The following LRP2 variants were observed in gnomAD, a reference collection of about 807,000 sequenced individuals.
LRP2 encodes low-density lipoprotein receptor-related protein 2.
Under a neutral mutation model 531.0 loss-of-function variants are expected in LRP2, and 172 were observed. That is an observed-to-expected ratio of 0.32 (90% CI 0.29 to 0.37). LRP2 has a LOEUF of 0.37. Among genes scored for constraint, LRP2 ranks in the 10% least tolerant of loss-of-function variants. The pLI, the probability that LRP2 is intolerant of heterozygous loss-of-function variation, is 1.00. For missense variants in LRP2, 5,167 were observed against 5,868.3 expected (o/e 0.88, Z 3.90); for synonymous variants, 1,992 against 2,027.6 (o/e 0.98, Z 0.47).
At chr2:169,327,929 A>G (rs1277768630) in intron 1 of LRP2, among the ~76,000 whole-genome samples, 2 of 73,816 alleles carry the variant, frequency 2.7e-5, no homozygotes, top group Admixed American at 1.3e-4. Context: ...TCCAGGAGGG[A>G]GGTGGGGGCG....
chr2:169,213,650 T>A lies in LRP2; in HGVS notation c.6040+7A>T. The A allele has an allele frequency of 6.2e-7, 1 of 1,608,578 alleles. No individual in the cohort carries two copies. The highest frequency in any genetic ancestry group is 8.5e-7 in the Non-Finnish European group (1 of 1,176,346). ...CCCATGAATGTATTTCAGTGACAAA[T>A]ACTTACTGCGTCTGTGATAAACTTG... On this transcript the variant is annotated splice_region_variant and intron_variant, in intron 36 of 78. Transcript: ENST00000649046.
intron 57 of LRP2, 102 bp from the exon 58 acceptor site, chr2:169,172,236 A>C: frequency 1.5e-4 from 203 of 1,352,804 alleles, no homozygotes; most frequent in Middle Eastern, 3.7e-4. Context: ...GTATTAGCTC[A>C]CTCTTGAAGC....
At chr2:169,242,294 T>C (rs934773442) in intron 24 of LRP2, among the ~76,000 whole-genome samples, 3 of 152,208 alleles carry the variant, frequency 2.0e-5, no homozygotes, top group South Asian at 2.1e-4. Context: ...TAACAAATCA[T>C]GTGAGTATAG....
At position 169,181,988 on chromosome 2, in the gene LRP2, T is replaced by A. The variant is rs558842677; in HGVS notation, c.9998+179A>T. 5.9e-5 allele frequency among the ~76,000 whole-genome samples: 9 copies of A among 152,274 alleles called. No individual in the cohort carries two copies. The South Asian group carries it at 1.9e-3, about 32-fold the overall frequency. Reference sequence around the variant, plus strand: ...GAAAAGAAAACAGAAGAGCTGATGATGATGATTTGAAGAAGCCATGCTTCT... The same window carrying A: ...GAAAAGAAAACAGAAGAGCTGATGAAGATGATTTGAAGAAGCCATGCTTCT... On this transcript the variant is annotated intron_variant, in intron 51 of 78. Coordinates refer to ENST00000649046, the MANE Select transcript of LRP2 (RefSeq NM_004525.3).
In LRP2 at chr2:169,277,787, C is replaced by T. The variant is rs754884501; in HGVS notation, c.1730G>A (p.Arg577Gln). ...ISKRVYWVDS[R>Q]FDYIETVTYD... ...AGTTACAGTTTCAATGTAATCAAAC[C>T]GAGAGTCAACCCAGTAAACACGCTT... The change falls in exon 13 of 79, where the codon CGG becomes CAG. Residue 577 changes from arginine to glutamine, a missense_variant. Arg to Gln is a conservative substitution (Grantham distance 43, BLOSUM62 1). Around this residue, in one of 6 missense-constraint regions of LRP2, gnomAD observed 2,811 missense variants for 3,058.0 expected, o/e 0.92. Transcript: ENST00000649046. The T allele has an allele frequency of 1.2e-5, 20 of 1,613,902 alleles. 1 individual carries two copies. The highest frequency in any genetic ancestry group is 3.3e-4 in the Middle Eastern group (2 of 6,082).
intron 34 of LRP2, among the ~76,000 whole-genome samples, chr2:169,219,989 A>T (rs1372135394): frequency 6.6e-6 from 1 of 151,826 alleles, no homozygotes. Flanking sequence ...TCTCCCCACA[A>T]TCCTGCTAAG....
intron 14 of LRP2, among the ~76,000 whole-genome samples, chr2:169,273,468 C>A (rs1439459244): frequency 6.6e-6 from 1 of 152,148 alleles, no homozygotes; most frequent in Non-Finnish European, 1.5e-5. Flanking sequence ...AGTAAACCAA[C>A]TTAACCAATA....
At chr2:169,139,732 T>G in intron 72 of LRP2, 122 bp from the exon 73 acceptor site, 2 of 851,012 alleles carry the variant, frequency 2.4e-6, no homozygotes, top group Non-Finnish European at 4.0e-6. Flanking sequence ...GAACAGACAA[T>G]GTATCCTGCA....
intron 3 of LRP2, among the ~76,000 whole-genome samples, chr2:169,308,087 C>T (rs1009058467): frequency 2.6e-5 from 4 of 152,050 alleles, no homozygotes; most frequent in Non-Finnish European, 5.9e-5. Flanking sequence ...TTATCTTATC[C>T]TGGGATTTTA....
rs35942532 is a variant in LRP2 at position 169,146,825 on chromosome 2, T to C, written c.12725A>G (p.Asp4242Gly). ...CTTGAAGTCACTCCAGTAGATTCGG[T>C]CATTGTTCAAATAATCGATAGAAAG... The part of the protein sequence containing the change: ...TGLSIDYLNN[D>G]RIYWSDFKED... Residue 4242 changes from aspartate (D) to glycine (G), a missense_variant, in exon 69 of 79, where the codon GAC (aspartate) becomes GGC (glycine). By Grantham distance (94) the Asp-to-Gly change is moderately conservative (BLOSUM62 -1). Transcript: ENST00000649046. 4,058 of 1,614,180 alleles carry C rather than the reference T, an allele frequency of 2.5e-3. 7 individuals carry two copies. Among genetic ancestry groups the C allele is most frequent in the Non-Finnish European group, 3.0e-3 (3,525 of 1,180,006 alleles).
chr2:169,178,045 A>G lies in LRP2; in HGVS notation c.10170-19T>C, dbSNP rs1266057501. 2.5e-6 allele frequency: 4 copies of G among 1,569,670 alleles called. No homozygotes were observed. The Admixed American group carries it at 5.1e-5, about 20-fold the overall frequency. ...AGAGTACCTGCAGCAGTAAGCAGAA[A>G]CAGTTATGTGATAAAGGTAATTCCT... On this transcript the variant is annotated intron_variant, in intron 52 of 78. Transcript: ENST00000649046.
chr2:169,219,528 T>G (rs190105399), intron 34 of LRP2, among the ~76,000 whole-genome samples: 2 of 152,244 alleles, frequency 1.3e-5, no homozygotes, highest in East Asian at 3.9e-4. Context: ...TCCTGACCAA[T>G]TTTTCTAAAA....
At chr2:169,169,561 G>C in intron 60 of LRP2, 141 bp downstream of exon 60, 1 of 756,544 alleles carries the variant, frequency 1.3e-6, no homozygotes, top group East Asian at 2.5e-5. Flanking sequence ...TTAGAACTCA[G>C]GTGAACTGAT....
At chr2:169,236,429 G>C (rs1343459223) in intron 28 of LRP2, among the ~76,000 whole-genome samples, 1 of 152,156 alleles carries the variant, frequency 6.6e-6, no homozygotes, top group African/African-American at 2.4e-5. Flanking sequence ...CATGTTTTTA[G>C]ATAAGGAAAT....
intron 16 of LRP2, among the ~76,000 whole-genome samples, chr2:169,263,866 A>G (rs941160802): frequency 1.3e-5 from 2 of 152,080 alleles, no homozygotes; most frequent in African/African-American, 4.8e-5. Context: ...ACAATGATAG[A>G]CTGGATTAAG....
chr2:169,328,014 G>T (rs1321697370), intron 1 of LRP2, among the ~76,000 whole-genome samples: 5 of 122,006 alleles, frequency 4.1e-5, no homozygotes, highest in Admixed American at 7.6e-5. Flanking sequence ...GGAGGGAGGT[G>T]GGGGGGGGTC....
intron 1 of LRP2, among the ~76,000 whole-genome samples, chr2:169,345,668 T>A (rs1000426048): frequency 7.3e-5 from 11 of 151,264 alleles, no homozygotes; most frequent in African/African-American, 2.7e-4. Context: ...TTAAAGCACT[T>A]CATAAAGGCC....
chr2:169,354,396 A>G (rs920451580), intron 1 of LRP2, among the ~76,000 whole-genome samples: 1 of 152,232 alleles, frequency 6.6e-6, no homozygotes, highest in African/African-American at 2.4e-5. Flanking sequence ...TAAATGCGCC[A>G]TTGTATCCAT....
At chr2:169,171,873 G>T in intron 58 of LRP2, 142 bp downstream of exon 58, 1 of 996,786 alleles carries the variant, frequency 1.0e-6, no homozygotes, top group Non-Finnish European at 1.6e-6. Context: ...GAAATGTACT[G>T]ACCAGCAGAA....
Sources: allele counts gnomAD v4.1 joint callset (sites outside exome capture counted in the v4.1 genomes callset), GRCh38; gene constraint gnomAD v4.1.1; regional missense constraint gnomAD v4.1.1; transcripts MANE v1.5; gene names NCBI Gene and HGNC (gene_info 2026-07-23, HGNC 2026-07-21).